The following NPSR1 variants were observed in gnomAD, a reference collection of about 807,000 sequenced individuals.
NPSR1 encodes neuropeptide S receptor.
In NPSR1, 48 loss-of-function variants were observed where a neutral mutation model predicts 46.9. That is an observed-to-expected ratio of 1.02 (90% CI 0.81 to 1.30). NPSR1 has a LOEUF of 1.30. Ranked by LOEUF, NPSR1 falls within the 50% of genes most tolerant of loss-of-function variation. NPSR1 has a pLI of 0.00. For missense variants in NPSR1, 450 were observed against 449.5 expected (o/e 1.00, Z -0.01); for synonymous variants, 176 against 168.1 (o/e 1.05, Z -0.36).
intron 2 of NPSR1, among the ~76,000 whole-genome samples, chr7:34,727,072 G>T (rs989955224): frequency 9.9e-5 from 15 of 152,150 alleles, no homozygotes; most frequent in Non-Finnish European, 1.9e-4. Flanking sequence ...TACCATTCTG[G>T]TATGGGATAT....
intron 1 of NPSR1, among the ~76,000 whole-genome samples, chr7:34,678,553 G>A (rs543859212): frequency 2.6e-5 from 4 of 152,240 alleles, no homozygotes; most frequent in Admixed American, 6.5e-5. Flanking sequence ...GTGGCCGGGC[G>A]CGGTGGCTCA....
At position 34,865,399 on chromosome 7, in the gene NPSR1, C is replaced by G. The variant is rs2128768769; in HGVS notation, c.1026-12677C>G. 1.3e-5 allele frequency among the ~76,000 whole-genome samples: 2 copies of G among 151,730 alleles called. 1 individual carries two copies. Among genetic ancestry groups the G allele is most frequent in the African/African-American group, 4.9e-5 (2 of 41,090 alleles). ...ACTTCTGACCCTATGGACAGCTCCC[C>G]CCATGAAAAAGAGGGCGAGGCTGAG... On this transcript the variant is annotated intron_variant, in intron 8 of 8. Coordinates refer to the NPSR1 transcript ENST00000359791.
Position 34,658,565 on chromosome 7 carries a change from T to C in NPSR1, c.147+6T>C. ...CCTTCTACTACTCCTTTAAGGTAAG[T>C]TTCTTGCCTGCGACTCTGAACACTG... On this transcript the variant is annotated splice_donor_region_variant and intron_variant, in intron 1 of 8. Transcript: ENST00000360581. 4 of 1,613,526 alleles carry C rather than the reference T, an allele frequency of 2.5e-6. No homozygotes were observed. The highest frequency in any genetic ancestry group is 3.3e-4 in the Middle Eastern group (2 of 6,054).
intron 2 of NPSR1, among the ~76,000 whole-genome samples, chr7:34,697,550 A>G (rs1793595312): frequency 6.6e-6 from 1 of 151,948 alleles, no homozygotes. Context: ...TTTGCATATA[A>G]CCTACATACA....
At chr7:34,748,578 T>C (rs1212935966) in intron 2 of NPSR1, among the ~76,000 whole-genome samples, 3 of 152,150 alleles carry the variant, frequency 2.0e-5, no homozygotes, top group African/African-American at 7.2e-5. Context: ...ATTCCTACAT[T>C]ACTGAGTCAC....
At chr7:34,818,710 C>T (rs189235304) in intron 4 of NPSR1, among the ~76,000 whole-genome samples, 92 of 152,252 alleles carry the variant, frequency 6.0e-4, no homozygotes, top group African/African-American at 2.2e-3. Flanking sequence ...GGTACTTGTA[C>T]CAAAACAGAG....
intron 2 of NPSR1, among the ~76,000 whole-genome samples, chr7:34,716,100 A>T (rs772893630): frequency 6.6e-6 from 1 of 152,202 alleles, no homozygotes; most frequent in Non-Finnish European, 1.5e-5. Context: ...TGAGCTGTCC[A>T]GGACTCAGTA....
chr7:34,760,067 G>T (rs1266333936), intron 2 of NPSR1, among the ~76,000 whole-genome samples: 5 of 152,196 alleles, frequency 3.3e-5, no homozygotes, highest in Non-Finnish European at 7.3e-5. Flanking sequence ...GACTGATCAA[G>T]TGTGTTAATC....
In NPSR1 at chr7:34,827,538, T is replaced by C. The variant is rs1406844918; in HGVS notation, c.616T>C (p.Tyr206His). The change falls in exon 5 of 9, where the codon TAC becomes CAC. Residue 206 changes from tyrosine (Y) to histidine (H), a missense_variant. By Grantham distance (83) the Tyr-to-His change is moderately conservative. Coordinates refer to ENST00000360581, the MANE Select transcript of NPSR1 (RefSeq NM_207172.2). ...CTGGGCCCTGTGGCCTGACGACTCC[T>C]ACTGGACCCCATACATGACCATCGT... The part of the protein sequence containing the change: ...QCWALWPDDS[Y>H]WTPYMTIVAF... 2.5e-6 allele frequency: 4 copies of C among 1,610,832 alleles called. No individual in the cohort carries two copies. Among genetic ancestry groups the C allele is most frequent in the Non-Finnish European group, 2.5e-6 (3 of 1,178,720 alleles).
At chr7:34,819,223 AG>A (rs1235323732) in intron 4 of NPSR1, among the ~76,000 whole-genome samples, 1 of 151,926 alleles carries the variant, frequency 6.6e-6, no homozygotes. Flanking sequence ...AATTTACAAG[AG>A]AAAAAACAAC....
intron 8 of NPSR1, among the ~76,000 whole-genome samples, chr7:34,863,403 T>C (rs1034934577): frequency 3.3e-5 from 5 of 151,720 alleles, no homozygotes; most frequent in African/African-American, 1.2e-4. Context: ...ACTAAAGAGC[T>C]TCTGCACAGC....
chr7:34,776,345 C>G (rs1786957878), intron 2 of NPSR1, among the ~76,000 whole-genome samples: 4 of 152,118 alleles, frequency 2.6e-5, no homozygotes, highest in Non-Finnish European at 4.4e-5. Flanking sequence ...CTCTCTTTAG[C>G]TCTAACAATA....
At chr7:34,792,652 T>TAC (rs1491368203) in intron 3 of NPSR1, among the ~76,000 whole-genome samples, 4 of 121,196 alleles carry the variant, frequency 3.3e-5, no homozygotes, top group African/African-American at 1.3e-4. Context: ...TATATATATA[T>TAC]GTATATATAT....
At chr7:34,758,820 T>C (rs1786014391) in intron 2 of NPSR1, among the ~76,000 whole-genome samples, 1 of 152,182 alleles carries the variant, frequency 6.6e-6, no homozygotes, top group Non-Finnish European at 1.5e-5. Context: ...CCCAAGAACA[T>C]CCTTTTTAGC....
chr7:34,804,681 A>G (rs553628854), intron 3 of NPSR1, among the ~76,000 whole-genome samples: 2 of 152,124 alleles, frequency 1.3e-5, no homozygotes, highest in Non-Finnish European at 2.9e-5. Flanking sequence ...ATAATTTAAC[A>G]GGACAAGAAA....
chr7:34,814,351 C>A (rs778530981), intron 4 of NPSR1, among the ~76,000 whole-genome samples: 1 of 152,232 alleles, frequency 6.6e-6, no homozygotes, highest in African/African-American at 2.4e-5. Flanking sequence ...GAGCGTCCAC[C>A]ATTGCTGAGG....
At chr7:34,783,022 T>TATC (rs1197461573) in intron 3 of NPSR1, among the ~76,000 whole-genome samples, 2 of 151,902 alleles carry the variant, frequency 1.3e-5, no homozygotes, top group African/African-American at 4.8e-5. Flanking sequence ...CAGCAGAAAT[T>TATC]ATCAAGTAGA....
chr7:34,868,918 G>C lies in NPSR1; in HGVS notation c.1026-9158G>C, dbSNP rs941649714. ...CAGGGTGGCCCGGGGCAACAAACTG[G>C]CTACTTGCAACAAGCCTGCTTGCAG... is the stretch of plus-strand genomic sequence containing the variant. On this transcript the variant is annotated intron_variant, in intron 8 of 8. Coordinates refer to the NPSR1 transcript ENST00000359791. Among the ~76,000 whole-genome samples, 8 of 151,678 alleles carry C rather than the reference G, an allele frequency of 5.3e-5. 1 individual carries two copies. The highest frequency in any genetic ancestry group is 7.4e-5 in the Non-Finnish European group (5 of 68,018).
At chr7:34,807,332 T>A (rs1157872684) in intron 3 of NPSR1, among the ~76,000 whole-genome samples, 1 of 152,152 alleles carries the variant, frequency 6.6e-6, no homozygotes, top group Admixed American at 6.5e-5. Flanking sequence ...ACTATTCTTA[T>A]GTTATGAAGT....
Sources: allele counts gnomAD v4.1 joint callset (sites outside exome capture counted in the v4.1 genomes callset), GRCh38; gene constraint gnomAD v4.1.1; transcripts MANE v1.5; gene names NCBI Gene and HGNC (gene_info 2026-07-23, HGNC 2026-07-21).